SORCS1: variants seen among roughly 807,000 people sequenced by gnomAD.
The protein encoded by SORCS1 is sortilin related VPS10 domain containing receptor 1.
Under a neutral mutation model 146.1 loss-of-function variants are expected in SORCS1, and 60 were observed. The observed-to-expected ratio is 0.41, with a 90% CI of 0.33 to 0.51. The LOEUF is 0.51. Among genes scored for constraint, SORCS1 ranks in the 20% least tolerant of loss-of-function variants. The pLI, the probability that SORCS1 is intolerant of heterozygous loss-of-function variation, is 0.21. For missense variants in SORCS1, 1,352 were observed against 1,487.6 expected (o/e 0.91, Z 1.50); for synonymous variants, 637 against 584.0 (o/e 1.09, Z -1.31).
At chr10:107,153,825 G>T (rs1458450082) in intron 1 of SORCS1, among the ~76,000 whole-genome samples, 1 of 151,834 alleles carries the variant, frequency 6.6e-6, no homozygotes. Flanking sequence ...ATTAAGAAAT[G>T]ACAAAAAGAA....
chr10:106,952,607 T>C (rs1198423657), intron 2 of SORCS1, among the ~76,000 whole-genome samples: 1 of 149,030 alleles, frequency 6.7e-6, no homozygotes, highest in African/African-American at 2.4e-5. Flanking sequence ...TAATATGAAG[T>C]ATTATACATA....
chr10:107,147,530 C>T (rs1252515520), intron 1 of SORCS1, among the ~76,000 whole-genome samples: 1 of 152,122 alleles, frequency 6.6e-6, no homozygotes, highest in Non-Finnish European at 1.5e-5. Context: ...CTTTCTCTCT[C>T]CCCTCTCTCT....
At position 106,960,399 on chromosome 10, in the gene SORCS1, CTTTT is replaced by C. The variant is rs1690163870; in HGVS notation, c.559-3823_559-3820del. Among the ~76,000 whole-genome samples the C allele has an allele frequency of 6.7e-6, 1 of 148,322 alleles. No individual in the cohort carries two copies. The highest frequency in any genetic ancestry group is 2.1e-4 in the South Asian group (1 of 4,774). ...ACTTCACTTGGTCCATACGTTTTCT[CTTTT>C]TCTTTTTCTTTTTTTTTTTTGAGAT... On this transcript the variant is annotated intron_variant, in intron 1 of 25. Coordinates refer to ENST00000263054, the MANE Select transcript of SORCS1 (RefSeq NM_052918.5). This position sits in a 1 kb window ranked among gnomAD's most constrained non-coding sequence, Gnocchi z 4.4.
At chr10:106,909,592 C>T (rs926847255) in intron 2 of SORCS1, among the ~76,000 whole-genome samples, 1 of 152,216 alleles carries the variant, frequency 6.6e-6, no homozygotes, top group African/African-American at 2.4e-5. Context: ...GCATTACTGT[C>T]TAAGTAGGGG....
chr10:106,600,983 A>AATGCCT (rs1846204016), intron 23 of SORCS1, among the ~76,000 whole-genome samples: 1 of 152,178 alleles, frequency 6.6e-6, no homozygotes, highest in Non-Finnish European at 1.5e-5. Context: ...CATCAGCCCC[A>AATGCCT]ATGCCCAGTG....
intron 1 of SORCS1, among the ~76,000 whole-genome samples, chr10:107,112,202 C>T (rs999496029): frequency 2.0e-5 from 3 of 151,484 alleles, no homozygotes; most frequent in African/African-American, 4.8e-5. Flanking sequence ...TTAATGAACA[C>T]ACAATATAAA....
intron 2 of SORCS1, among the ~76,000 whole-genome samples, chr10:106,936,562 A>T (rs1953730141): frequency 6.6e-6 from 1 of 152,244 alleles, no homozygotes. Context: ...AGCTTCAAAT[A>T]TCTTCTTCCT....
chr10:106,643,575 A>C (rs1214465377), intron 18 of SORCS1, among the ~76,000 whole-genome samples: 1 of 152,266 alleles, frequency 6.6e-6, no homozygotes, highest in Non-Finnish European at 1.5e-5. Flanking sequence ...ACAGAGTGTC[A>C]AGAAACCAGA....
intron 5 of SORCS1, among the ~76,000 whole-genome samples, chr10:106,758,393 A>G (rs2136228543): frequency 6.6e-6 from 1 of 152,236 alleles, no homozygotes; most frequent in Admixed American, 6.5e-5. Context: ...TATTGGTAGG[A>G]ACCAACTTCT....
chr10:106,605,745 G>A (rs572634203), intron 23 of SORCS1, among the ~76,000 whole-genome samples: 1 of 152,160 alleles, frequency 6.6e-6, no homozygotes, highest in Non-Finnish European at 1.5e-5. Flanking sequence ...ACTAGGAAAT[G>A]GGGTTCAACA....
At chr10:106,761,164 G>C (rs1372615376) in intron 5 of SORCS1, among the ~76,000 whole-genome samples, 1 of 152,014 alleles carries the variant, frequency 6.6e-6, no homozygotes, top group African/African-American at 2.4e-5. Flanking sequence ...TCAGGAATGA[G>C]AGGAAGATCT....
rs1554910675 is a variant in SORCS1 at position 106,724,344 on chromosome 10, TA to T, written c.1024+5705del. Among the ~76,000 whole-genome samples, 71 of 151,946 alleles carry T rather than the reference TA, an allele frequency of 4.7e-4. 1 individual carries two copies. Among genetic ancestry groups the T allele is most frequent in the Non-Finnish European group, 2.9e-5 (2 of 67,936 alleles). On this transcript the variant is annotated intron_variant, in intron 6 of 25. Coordinates refer to ENST00000263054, the MANE Select transcript of SORCS1 (RefSeq NM_052918.5). The stretch of plus-strand genomic sequence containing the variant: ...CAACATGGTGAAACCCCATCTCTAC[TA>T]AAAATACCAAAATTAGCTGGGCGTG...
intron 3 of SORCS1, among the ~76,000 whole-genome samples, chr10:106,788,260 A>C (rs1400042914): frequency 1.3e-5 from 2 of 152,184 alleles, no homozygotes; most frequent in East Asian, 3.9e-4. Flanking sequence ...GGGTAGGGAC[A>C]TAAAGCCTAA....
intron 1 of SORCS1, among the ~76,000 whole-genome samples, chr10:107,005,296 G>C (rs1957391447): frequency 6.6e-6 from 1 of 151,010 alleles, no homozygotes; most frequent in Non-Finnish European, 1.5e-5. Context: ...TGTATTCCAG[G>C]CTGGGTGAGA....
the SORCS1 span, among the ~76,000 whole-genome samples, chr10:107,176,387 G>A: frequency 6.7e-6 from 1 of 149,702 alleles, no homozygotes; most frequent in Non-Finnish European, 1.5e-5. Flanking sequence ...TTAGAGTGCA[G>A]TGCAGTGGTG....
chr10:107,180,169 GC>G, the SORCS1 span, among the ~76,000 whole-genome samples: 1 of 151,904 alleles, frequency 6.6e-6, no homozygotes, highest in Non-Finnish European at 1.5e-5. Context: ...TCCTGCCTTG[GC>G]CTCCCAAAGT....
At chr10:106,827,905 A>G (rs1055781159) in intron 3 of SORCS1, among the ~76,000 whole-genome samples, 2 of 152,244 alleles carry the variant, frequency 1.3e-5, no homozygotes, top group Non-Finnish European at 2.9e-5. Context: ...CCATATTTCA[A>G]ACATTCAAAA....
chr10:107,050,775 G>A (rs1313621759), intron 1 of SORCS1, among the ~76,000 whole-genome samples: 1 of 152,074 alleles, frequency 6.6e-6, no homozygotes, highest in Non-Finnish European at 1.5e-5. Context: ...GCCTTCTTAA[G>A]TATATATATG....
chr10:107,164,217 G>T lies in SORCS1; in HGVS notation c.310C>A (p.Arg104Ser), dbSNP rs769598640. The change falls in exon 1 of 26, where the codon CGC (arginine) becomes AGC (serine). Residue 104 changes from arginine (R) to serine (S), a missense_variant. Physicochemically the swap from Arg to Ser is moderately radical, Grantham distance 110. Around this residue, in one of 3 missense-constraint regions of SORCS1, gnomAD observed 490 missense variants for 489.1 expected, o/e 1.00. Coordinates refer to ENST00000263054, the MANE Select transcript of SORCS1 (RefSeq NM_052918.5). This position sits in a 1 kb window ranked among gnomAD's most constrained non-coding sequence, Gnocchi z 6.8. ...CCGCTCCGTCTCCTCCGGCCGGAGCGTGCAGCAACCGCCATGGATGCCCCA... is the reference window on the plus strand; with the variant it reads ...CCGCTCCGTCTCCTCCGGCCGGAGCTTGCAGCAACCGCCATGGATGCCCCA... ...GTGASMAVAA[R>S]SGRRRRSGAD... 3.1e-6 allele frequency: 5 copies of T among 1,608,520 alleles called. No homozygotes were observed. Among genetic ancestry groups the T allele is most frequent in the Non-Finnish European group, 4.2e-6 (5 of 1,179,670 alleles).
Sources: allele counts gnomAD v4.1 joint callset (sites outside exome capture counted in the v4.1 genomes callset), GRCh38; gene constraint gnomAD v4.1.1; regional missense constraint gnomAD v4.1.1; non-coding constraint Gnocchi (gnomAD v3.1); transcripts MANE v1.5; gene names NCBI Gene and HGNC (gene_info 2026-07-23, HGNC 2026-07-21).